The following TRIM36 variants were observed in gnomAD, a reference collection of about 807,000 sequenced individuals.
The protein encoded by TRIM36 is tripartite motif containing 36, also known as E3 ubiquitin-protein ligase TRIM36.
In TRIM36, 42 loss-of-function variants were observed where a neutral mutation model predicts 72.4. That is an observed-to-expected ratio of 0.58 (90% CI 0.45 to 0.75). The LOEUF (loss-of-function observed/expected upper bound fraction) is 0.75, where lower values mean the gene tolerates loss of function less well. Ranked by LOEUF, TRIM36 falls within the 30% of genes least tolerant of loss-of-function variation. The pLI is 0.00. For synonymous variants in TRIM36, 315 were observed against 282.8 expected, an observed-to-expected ratio of 1.11 and a Z score of -1.14; for missense variants, 913 against 857.1, an observed-to-expected ratio of 1.07 and a Z score of -0.81.
At position 115,137,025 on chromosome 5, in the gene TRIM36, A is replaced by G. The variant is rs781560326; in HGVS notation, c.1185T>C (p.Leu395=). ...VVNTSKQTEL[L]GELSFFSSGI... ...CACTAGAGAAAAAGGATAATTCTCC[A>G]AGAAGTTCTGTTTGTTTAGAGGTAT... The change falls in exon 7 of 10, where the codon CTT becomes CTC. Residue 395 remains leucine (L), a synonymous_variant. Coordinates refer to ENST00000513154, the MANE Select transcript of TRIM36 (RefSeq NM_001300759.2). 1.2e-6 allele frequency: 2 copies of G among 1,604,972 alleles called. No individual in the cohort carries two copies. Among genetic ancestry groups the G allele is most frequent in the South Asian group, 1.1e-5 (1 of 88,482 alleles).
Position 115,169,822 on chromosome 5 carries a change from G to T in TRIM36, c.-188C>A. The T allele has an allele frequency of 9.1e-6, 12 of 1,322,734 alleles. No homozygotes were observed. Among genetic ancestry groups the T allele is most frequent in the Non-Finnish European group, 1.1e-5 (11 of 1,032,570 alleles). 81.9% of individuals were successfully genotyped at this position (1,322,734 alleles called of 1,614,324 possible). Reference sequence around the variant, plus strand: ...GTAAGCCGGGGCAGGCAAAAGCACAGGCGCGGGAGAAGCGAGCTTTGCTCC... The same window carrying T: ...GTAAGCCGGGGCAGGCAAAAGCACATGCGCGGGAGAAGCGAGCTTTGCTCC... On this transcript the variant is annotated 5_prime_UTR_variant, in exon 1 of 10. It adds an upstream start codon to the 5' untranslated region. Transcript: ENST00000513154.
intron 2 of TRIM36, among the ~76,000 whole-genome samples, chr5:115,150,418 TTA>T (rs1214128113): frequency 6.6e-6 from 1 of 152,350 alleles, no homozygotes; most frequent in East Asian, 1.9e-4. Context: ...GGCTACCATA[TTA>T]TATGACACAG....
intron 1 of TRIM36, among the ~76,000 whole-genome samples, chr5:115,166,793 G>T (rs1053369227): frequency 2.0e-5 from 3 of 152,148 alleles, no homozygotes; most frequent in East Asian, 3.9e-4. Flanking sequence ...CTCTGCAGTT[G>T]CCGGCATCTC....
upstream of TRIM36, chr5:115,170,998 T>TAA: frequency 6.5e-7 from 1 of 1,533,196 alleles, no homozygotes; most frequent in Non-Finnish European, 8.9e-7. Flanking sequence ...ACGCACTGCC[T>TAA]TTCTGGCTAG....
At chr5:115,131,817 C>T (rs1298650260) in intron 8 of TRIM36, among the ~76,000 whole-genome samples, 1 of 151,958 alleles carries the variant, frequency 6.6e-6, no homozygotes, top group Non-Finnish European at 1.5e-5. Flanking sequence ...TATGAGATAC[C>T]TAGAATAGGC....
upstream of TRIM36, chr5:115,171,268 T>C (rs1441869655): frequency 6.2e-7 from 1 of 1,610,034 alleles, no homozygotes; most frequent in Non-Finnish European, 8.5e-7. Context: ...ACTATAGCAA[T>C]TTTCTCTAAT....
chr5:115,163,460 A>AAC, intron 2 of TRIM36, 58 bp downstream of exon 2: 1 of 1,425,268 alleles, frequency 7.0e-7, no homozygotes, highest in Non-Finnish European at 9.9e-7. Flanking sequence ...GTTACCACTG[A>AAC]ATATATATCT....
intron 8 of TRIM36, among the ~76,000 whole-genome samples, chr5:115,131,373 A>G (rs979791291): frequency 6.6e-6 from 1 of 152,120 alleles, no homozygotes; most frequent in South Asian, 2.1e-4. Context: ...GGGACACTGT[A>G]AAAAAACAAA....
upstream of TRIM36, among the ~76,000 whole-genome samples, chr5:115,170,204 G>A (rs915493941): frequency 9.2e-5 from 14 of 151,936 alleles, no homozygotes; most frequent in Non-Finnish European, 1.2e-4. Context: ...CTGAGGAACG[G>A]AAGTGAGGGC....
At chr5:115,165,551 C>G (rs572808388) in intron 1 of TRIM36, among the ~76,000 whole-genome samples, 2 of 152,202 alleles carry the variant, frequency 1.3e-5, no homozygotes, top group African/African-American at 4.8e-5. Context: ...ACTGGAACAG[C>G]TGGGACACAG....
intron 4 of TRIM36, among the ~76,000 whole-genome samples, chr5:115,143,179 C>T (rs1047953469): frequency 8.0e-6 from 1 of 125,062 alleles, no homozygotes; most frequent in Non-Finnish European, 1.6e-5. Context: ...ATCCCAGGAG[C>T]TTACACAAGG....
rs1329753916 is a variant in TRIM36 at position 115,125,224 on chromosome 5, A to G, written c.*1279T>C. 1.3e-5 allele frequency: 2 copies of G among 152,184 alleles called. No homozygotes were observed. Among genetic ancestry groups the G allele is most frequent in the Admixed American group, 1.3e-4 (2 of 15,266 alleles). The allele number at this position is 152,184 out of a possible 1,614,324, so 9.4% of individuals were successfully genotyped here. ...CCATAAATGATTACTGCTACAATGC[A>G]TAAAAGTAGTTTCTGAATATTTTAA... On this transcript the variant is annotated 3_prime_UTR_variant, in exon 10 of 10. Transcript: ENST00000513154.
intron 1 of TRIM36, among the ~76,000 whole-genome samples, chr5:115,176,226 C>G (rs1039985883): frequency 3.3e-5 from 5 of 152,202 alleles, no homozygotes; most frequent in African/African-American, 1.2e-4. Flanking sequence ...ACTATCTATT[C>G]GTCCTTCTGA....
chr5:115,155,410 C>T (rs1754122883), intron 2 of TRIM36, among the ~76,000 whole-genome samples: 1 of 152,134 alleles, frequency 6.6e-6, no homozygotes, highest in African/African-American at 2.4e-5. Flanking sequence ...AAGCTAAAAT[C>T]CTTAACAAAA....
At chr5:115,180,106 T>C (rs528427666) in exon 1 of TRIM36, 1 of 1,521,032 alleles carries the variant, frequency 6.6e-7, no homozygotes, top group African/African-American at 1.4e-5. Flanking sequence ...CTTTTCTCTT[T>C]TTCTGTTTTT....
intron 8 of TRIM36, among the ~76,000 whole-genome samples, chr5:115,131,865 G>C (rs1188939680): frequency 6.6e-6 from 1 of 152,134 alleles, no homozygotes; most frequent in Non-Finnish European, 1.5e-5. Context: ...AAAGTTACCA[G>C]CCTCTGGGGA....
At chr5:115,149,280 T>C (rs894140802) in intron 2 of TRIM36, 1 of 151,978 alleles carries the variant, frequency 6.6e-6, no homozygotes, top group Admixed American at 6.6e-5. Flanking sequence ...GAAAATTTCA[T>C]TTAGGAAAGA....
Position 115,169,526 on chromosome 5 carries a change from G to C in TRIM36, c.27+82C>G, listed in dbSNP as rs1048553955. 8.0e-5 allele frequency: 114 copies of C among 1,431,548 alleles called. No homozygotes were observed. In the East Asian group the frequency reaches 3.0e-3, roughly 37 times the overall value. The allele number at this position is 1,431,548 out of a possible 1,614,324, so 88.7% of individuals were successfully genotyped here. A position where few individuals can be genotyped will look rare whatever the true frequency, so the allele number is the denominator to read the frequency against. On this transcript the variant is annotated intron_variant, in intron 1 of 9. Transcript: ENST00000513154. Reference sequence around the variant, plus strand: ...GCTCTCCCGGGAGGAGGCTCCCTCCGGGCTCCCGGCGGAGGAAAGAGAAAG... The same window carrying C: ...GCTCTCCCGGGAGGAGGCTCCCTCCCGGCTCCCGGCGGAGGAAAGAGAAAG...
chr5:115,170,084 G>T, upstream of TRIM36: 1 of 613,648 alleles, frequency 1.6e-6, no homozygotes, highest in Non-Finnish European at 2.1e-6. Context: ...GGGCGTGGGT[G>T]TGGCACGCGG....
Sources: allele counts gnomAD v4.1 joint callset (sites outside exome capture counted in the v4.1 genomes callset), GRCh38; gene constraint gnomAD v4.1.1; transcripts MANE v1.5; gene names NCBI Gene and HGNC (gene_info 2026-07-23, HGNC 2026-07-21).